CDK6: variants seen among roughly 807,000 people sequenced by gnomAD.
The protein encoded by CDK6 is cyclin-dependent kinase 6.
In CDK6, 6 loss-of-function variants were observed where a neutral mutation model predicts 37.1. The observed-to-expected ratio is 0.16, with a 90% CI of 0.09 to 0.32. CDK6 has a LOEUF of 0.32. CDK6 is among the 10% of genes least tolerant of loss of function. The pLI is 1.00. For synonymous variants in CDK6, 160 were observed against 161.3 expected, an observed-to-expected ratio of 0.99 and a Z score of 0.06; for missense variants, 224 against 418.9, an observed-to-expected ratio of 0.53 and a Z score of 4.06.
At chr7:92,659,359 A>G (rs1297548312) in intron 5 of CDK6, among the ~76,000 whole-genome samples, 1 of 152,182 alleles carries the variant, frequency 6.6e-6, no homozygotes, top group Non-Finnish European at 1.5e-5. Context: ...ATTCATCCAT[A>G]TATTTATATT....
chr7:92,754,059 C>T (rs1289235738), intron 3 of CDK6, among the ~76,000 whole-genome samples: 1 of 152,144 alleles, frequency 6.6e-6, no homozygotes, highest in Non-Finnish European at 1.5e-5. Context: ...ACAATCTCTC[C>T]AGGCTCTGCT....
intron 3 of CDK6, among the ~76,000 whole-genome samples, chr7:92,739,622 C>G (rs917874049): frequency 1.3e-5 from 2 of 152,264 alleles, no homozygotes. Flanking sequence ...ATAAGCCCTT[C>G]TCTCCCATCT....
At chr7:92,617,174 C>T (rs1395077032) in intron 7 of CDK6, among the ~76,000 whole-genome samples, 2 of 152,256 alleles carry the variant, frequency 1.3e-5, no homozygotes, top group Non-Finnish European at 2.9e-5. Flanking sequence ...TCAAGTTGGC[C>T]TTAGGCATGG....
chr7:92,652,006 C>G (rs530244796), intron 5 of CDK6, among the ~76,000 whole-genome samples: 3 of 152,146 alleles, frequency 2.0e-5, no homozygotes, highest in Non-Finnish European at 4.4e-5. Flanking sequence ...AGAGTCAACA[C>G]GCTCACTTAT....
intron 2 of CDK6, among the ~76,000 whole-genome samples, chr7:92,792,175 G>C (rs1800301244): frequency 6.6e-6 from 1 of 152,074 alleles, no homozygotes; most frequent in Non-Finnish European, 1.5e-5. Context: ...AGCAGAGAGA[G>C]ACCAATACAA....
chr7:92,831,664 T>C (rs1230763413), intron 2 of CDK6, among the ~76,000 whole-genome samples: 24 of 152,252 alleles, frequency 1.6e-4, no homozygotes, highest in Non-Finnish European at 2.9e-5. Context: ...CTCATTCTCC[T>C]TCACTAGCTA....
chr7:92,712,878 G>GTATTTATT (rs1554405514), intron 4 of CDK6, among the ~76,000 whole-genome samples: 25 of 127,958 alleles, frequency 2.0e-4, no homozygotes, highest in African/African-American at 7.2e-4. Flanking sequence ...ATGTATGTAT[G>GTATTTATT]TATTTATTTA....
At chr7:92,780,941 C>T (rs180860285) in intron 2 of CDK6, among the ~76,000 whole-genome samples, 29 of 152,024 alleles carry the variant, frequency 1.9e-4, no homozygotes, top group South Asian at 1.9e-3. Context: ...GACAAAAATA[C>T]CATTTCAAGA....
chr7:92,787,650 C>G (rs1401785007), intron 2 of CDK6, among the ~76,000 whole-genome samples: 1 of 151,968 alleles, frequency 6.6e-6, no homozygotes, highest in African/African-American at 2.4e-5. Context: ...TTTTCAATCC[C>G]CTCCCAATAT....
chr7:92,759,350 T>C (rs1799394396), intron 3 of CDK6, among the ~76,000 whole-genome samples: 1 of 152,196 alleles, frequency 6.6e-6, no homozygotes, highest in East Asian at 1.9e-4. Flanking sequence ...CTTAGTGAAA[T>C]AGGACTCTCC....
At chr7:92,784,114 G>C (rs1800063934) in intron 2 of CDK6, among the ~76,000 whole-genome samples, 1 of 152,130 alleles carries the variant, frequency 6.6e-6, no homozygotes, top group East Asian at 1.9e-4. Flanking sequence ...CACAAAGAAG[G>C]CATATCATAA....
At chr7:92,801,229 C>A (rs1246244537) in intron 2 of CDK6, among the ~76,000 whole-genome samples, 1 of 151,986 alleles carries the variant, frequency 6.6e-6, no homozygotes, top group East Asian at 1.9e-4. Context: ...TTATTTCACT[C>A]TTTTTATTTT....
At chr7:92,759,744 T>C (rs796675490) in intron 3 of CDK6, among the ~76,000 whole-genome samples, 3 of 132,692 alleles carry the variant, frequency 2.3e-5, no homozygotes, top group Non-Finnish European at 4.9e-5. Flanking sequence ...AAAAAAACCA[T>C]ACACACAAAT....
chr7:92,651,490 T>G (rs1319857699), intron 5 of CDK6, among the ~76,000 whole-genome samples: 1 of 152,198 alleles, frequency 6.6e-6, no homozygotes, highest in African/African-American at 2.4e-5. Context: ...GACATTAAAT[T>G]CTAAATTTTA....
At chr7:92,770,498 A>C (rs2115764476) in intron 3 of CDK6, among the ~76,000 whole-genome samples, 1 of 152,224 alleles carries the variant, frequency 6.6e-6, no homozygotes, top group Non-Finnish European at 1.5e-5. Context: ...GAGTTTCCCC[A>C]ATAAGTTTAC....
chr7:92,670,603 G>C (rs1383371140), intron 5 of CDK6, among the ~76,000 whole-genome samples: 2 of 152,202 alleles, frequency 1.3e-5, no homozygotes, highest in African/African-American at 4.8e-5. Context: ...TTTCCTGGCA[G>C]ATCTTTATTA....
At chr7:92,749,838 T>C (rs1173465362) in intron 3 of CDK6, among the ~76,000 whole-genome samples, 1 of 152,160 alleles carries the variant, frequency 6.6e-6, no homozygotes. Context: ...ACCAGGGAAA[T>C]AGGATAATAA....
intron 5 of CDK6, among the ~76,000 whole-genome samples, chr7:92,670,773 A>G (rs1364907456): frequency 1.3e-5 from 2 of 152,252 alleles, no homozygotes; most frequent in African/African-American, 4.8e-5. Flanking sequence ...ACACACAATG[A>G]AAACTCACTA....
intron 2 of CDK6, among the ~76,000 whole-genome samples, chr7:92,778,509 A>G (rs11977300): frequency 0.19 from 28,769 of 152,096 alleles, 3,867 homozygotes; most frequent in African/African-American, 0.38. Context: ...TAATATGTGG[A>G]AAATTTATCA....
Sources: gnomAD v4.1 joint callset for allele counts (sites outside exome capture counted in the v4.1 genomes callset) on GRCh38, gnomAD v4.1.1 for gene constraint, MANE v1.5 for transcripts, NCBI Gene and HGNC (gene_info 2026-07-23, HGNC 2026-07-21) for gene names.